CLSTN2: variants seen among roughly 807,000 people sequenced by gnomAD.
The protein encoded by CLSTN2 is calsyntenin 2, also known as calsyntenin-2.
CLSTN2 carries 48 observed loss-of-function variants against 101.2 expected under a neutral mutation model. The ratio of observed to expected loss-of-function variants is 0.47; its 90% CI spans 0.38 to 0.60. The LOEUF (loss-of-function observed/expected upper bound fraction) is 0.60, where lower values mean the gene tolerates loss of function less well. Ranked by LOEUF, CLSTN2 falls within the 20% of genes least tolerant of loss-of-function variation. The pLI, the probability that CLSTN2 is intolerant of heterozygous loss-of-function variation, is 0.00. For synonymous variants in CLSTN2, 481 were observed against 463.6 expected (o/e 1.04, Z -0.48); for missense variants, 1,160 against 1,238.2 (o/e 0.94, Z 0.95).
intron 1 of CLSTN2, among the ~76,000 whole-genome samples, chr3:140,012,660 A>G (rs117299174): frequency 0.011 from 1,697 of 152,310 alleles, 33 homozygotes; most frequent in East Asian, 0.084. Context: ...TCCCAGCTGC[A>G]AGGAAGGAGA....
intron 6 of CLSTN2, among the ~76,000 whole-genome samples, chr3:140,456,306 C>T (rs1933396750): frequency 6.6e-6 from 1 of 152,236 alleles, no homozygotes; most frequent in East Asian, 1.9e-4. Flanking sequence ...GTGATGGGTC[C>T]ACTCACTAGC....
At chr3:140,132,823 G>C (rs1467915254) in intron 1 of CLSTN2, among the ~76,000 whole-genome samples, 1 of 152,128 alleles carries the variant, frequency 6.6e-6, no homozygotes, top group Admixed American at 6.5e-5. Context: ...CTTGTGAAAA[G>C]AGCAAAATTT....
Position 140,458,984 on chromosome 3 carries a change from C to T in CLSTN2, c.974-537C>T, listed in dbSNP as rs116628258. Among the ~76,000 whole-genome samples, 526 of 152,326 alleles carry T rather than the reference C, an allele frequency of 3.5e-3. 4 individuals are homozygous for T. Among genetic ancestry groups the T allele is most frequent in the African/African-American group, 0.012 (503 of 41,560 alleles). ...AAAAAAGTGTAATGAGTGGCTCATG[C>T]TCCTTCTTATGGGATCAGGATCTAG... On this transcript the variant is annotated intron_variant, in intron 6 of 16. Transcript: ENST00000458420.
intron 1 of CLSTN2, among the ~76,000 whole-genome samples, chr3:140,000,616 T>A (rs2006808644): frequency 6.6e-6 from 1 of 152,222 alleles, no homozygotes; most frequent in Admixed American, 6.5e-5. Flanking sequence ...TACTGCATTC[T>A]GTAGATTGTC....
chr3:140,069,262 T>C (rs918692103), intron 1 of CLSTN2, among the ~76,000 whole-genome samples: 5 of 152,140 alleles, frequency 3.3e-5, no homozygotes, highest in African/African-American at 1.2e-4. Flanking sequence ...CTTTGGTGGG[T>C]TTGGTCTGGA....
chr3:140,252,694 C>T (rs1269343495), intron 2 of CLSTN2, among the ~76,000 whole-genome samples: 1 of 152,188 alleles, frequency 6.6e-6, no homozygotes, highest in Non-Finnish European at 1.5e-5. Context: ...CACAGTTATG[C>T]AGAGGATCAT....
chr3:140,162,458 G>A (rs1258995677), intron 1 of CLSTN2, among the ~76,000 whole-genome samples: 1 of 152,178 alleles, frequency 6.6e-6, no homozygotes, highest in Non-Finnish European at 1.5e-5. Flanking sequence ...GTAGAGGAGT[G>A]TCAGAGCCCC....
At chr3:140,188,741 C>A (rs191301101) in intron 2 of CLSTN2, among the ~76,000 whole-genome samples, 30 of 152,274 alleles carry the variant, frequency 2.0e-4, no homozygotes, top group Middle Eastern at 6.8e-3. Context: ...ATTACAGATT[C>A]ATATGCAGTT....
At chr3:140,126,022 G>A (rs935960052) in intron 1 of CLSTN2, among the ~76,000 whole-genome samples, 1 of 152,050 alleles carries the variant, frequency 6.6e-6, no homozygotes, top group Non-Finnish European at 1.5e-5. Context: ...GAGAGGAGGC[G>A]ATAGGAGGTG....
At chr3:140,093,104 G>A (rs1273030718) in intron 1 of CLSTN2, among the ~76,000 whole-genome samples, 1 of 152,062 alleles carries the variant, frequency 6.6e-6, no homozygotes, top group Non-Finnish European at 1.5e-5. Context: ...GAGAAGGTGG[G>A]GAGAGAGAGA....
At chr3:140,263,389 A>G (rs1206427167) in intron 2 of CLSTN2, among the ~76,000 whole-genome samples, 1 of 152,162 alleles carries the variant, frequency 6.6e-6, no homozygotes, top group African/African-American at 2.4e-5. Context: ...AATGGGTTAC[A>G]GGCACCCAGC....
chr3:140,473,930 TG>T (rs1933918743), intron 8 of CLSTN2, among the ~76,000 whole-genome samples: 1 of 151,994 alleles, frequency 6.6e-6, no homozygotes. Flanking sequence ...GCTAATTTTT[TG>T]TTTTTTGTTT....
At chr3:140,484,267 T>C (rs1029364399) in intron 8 of CLSTN2, among the ~76,000 whole-genome samples, 1 of 152,226 alleles carries the variant, frequency 6.6e-6, no homozygotes, top group Non-Finnish European at 1.5e-5. Flanking sequence ...AAAATTCTTT[T>C]CTTTAAGAAT....
intron 2 of CLSTN2, among the ~76,000 whole-genome samples, chr3:140,373,693 A>C (rs1250022529): frequency 1.3e-5 from 2 of 152,206 alleles, no homozygotes; most frequent in Non-Finnish European, 2.9e-5. Context: ...GCAAAGGAAC[A>C]ATCACTCTAA....
At chr3:140,359,210 A>C (rs1290783229) in intron 2 of CLSTN2, among the ~76,000 whole-genome samples, 1 of 152,032 alleles carries the variant, frequency 6.6e-6, no homozygotes, top group South Asian at 2.1e-4. Flanking sequence ...TAGGGGCTGC[A>C]CCTCCTCATT....
intron 2 of CLSTN2, among the ~76,000 whole-genome samples, chr3:140,292,708 G>C (rs766755941): frequency 2.6e-5 from 4 of 152,100 alleles, no homozygotes; most frequent in Non-Finnish European, 5.9e-5. Flanking sequence ...CCTCTCTCAG[G>C]CTCAATTTTA....
At chr3:140,542,691 C>T (rs1024348790) in intron 9 of CLSTN2, among the ~76,000 whole-genome samples, 9 of 152,146 alleles carry the variant, frequency 5.9e-5, no homozygotes, top group African/African-American at 2.2e-4. Context: ...GAGTGCATCA[C>T]ACATCTGATA....
At chr3:140,214,214 C>T (rs763184315) in intron 2 of CLSTN2, among the ~76,000 whole-genome samples, 35 of 152,028 alleles carry the variant, frequency 2.3e-4, no homozygotes, top group Admixed American at 7.2e-4. Context: ...CTGAGGCAGA[C>T]GGATCACTTG....
chr3:139,999,502 T>A (rs1236449160), intron 1 of CLSTN2, among the ~76,000 whole-genome samples: 2 of 152,192 alleles, frequency 1.3e-5, no homozygotes, highest in Non-Finnish European at 2.9e-5. Flanking sequence ...TGTGCAGCTC[T>A]TTAAAGGTGA....
Sources: allele counts gnomAD v4.1 joint callset (sites outside exome capture counted in the v4.1 genomes callset), GRCh38; gene constraint gnomAD v4.1.1; transcripts MANE v1.5; gene names NCBI Gene and HGNC (gene_info 2026-07-23, HGNC 2026-07-21).